EPB41L2: variants seen among roughly 807,000 people sequenced by gnomAD.
EPB41L2 encodes the protein erythrocyte membrane protein band 4.1 like 2, also known as band 4.1-like protein 2.
EPB41L2 carries 43 observed loss-of-function variants against 113.0 expected under a neutral mutation model. The observed-to-expected ratio is 0.38, with a 90% CI of 0.30 to 0.49. The LOEUF is 0.49. Among genes scored for constraint, EPB41L2 ranks in the 20% least tolerant of loss-of-function variants. The probability of loss-of-function intolerance (pLI) is 0.95; values close to 1 mark genes in which losing one functional copy is unlikely to be tolerated. For synonymous variants in EPB41L2, 442 were observed against 436.7 expected, an observed-to-expected ratio of 1.01 and a Z score of -0.15; for missense variants, 1,147 against 1,223.4, an observed-to-expected ratio of 0.94 and a Z score of 0.93.
chr6:131,006,099 C>T (rs1238839861), intron 1 of EPB41L2, among the ~76,000 whole-genome samples: 1 of 152,004 alleles, frequency 6.6e-6, no homozygotes, highest in Non-Finnish European at 1.5e-5. Context: ...CTCTGTCAAC[C>T]ACGCTGAAGT....
rs193080456 is a variant in EPB41L2, at chr6:131,018,878, C to T, written c.-15+44277G>A. ...TATATTAAGTTTCTAGGCTTGTATC[C>T]GTTCAAATCAGGTTTACTGGTGTAA... On this transcript the variant is annotated intron_variant, in intron 1 of 19. Transcript: ENST00000337057. Among the ~76,000 whole-genome samples, 9 of 152,272 alleles carry T rather than the reference C, an allele frequency of 5.9e-5. No individual in the cohort carries two copies. In the South Asian group the frequency reaches 1.7e-3, roughly 28 times the overall value.
chr6:130,891,594 G>A lies in EPB41L2; in HGVS notation c.1488-1128C>T, dbSNP rs76048247. Among the ~76,000 whole-genome samples the A allele has an allele frequency of 0.02, 3,020 of 152,076 alleles. 195 individuals are homozygous for A. The East Asian group carries it at 0.26, about 13-fold the overall frequency. On this transcript the variant is annotated intron_variant, in intron 10 of 19. Transcript: ENST00000337057. The stretch of plus-strand genomic sequence containing the variant: ...CTCCTGAGTAGCTGGGATTACAAAG[G>A]TACATGCCACCATGCCCAGCTAATT...
rs1033247738 is a variant in EPB41L2, at chr6:130,941,490, G to T, written c.705+13615C>A. On this transcript the variant is annotated intron_variant, in intron 3 of 19. Coordinates refer to ENST00000337057, the MANE Select transcript of EPB41L2 (RefSeq NM_001431.4). The stretch of plus-strand genomic sequence containing the variant: ...AAACTTATTTCAAAAACCATGAGCA[G>T]CAAACTTCTGTAGGCTAGCACATTC... 5.3e-5 allele frequency among the ~76,000 whole-genome samples: 8 copies of T among 152,296 alleles called. No homozygotes were observed. In the South Asian group the frequency reaches 1.5e-3, roughly 28 times the overall value.
In EPB41L2 at chr6:130,877,982, T is replaced by G. The variant is rs537729377; in HGVS notation, c.2043+122A>C. ...TAGTATTTACAAAATTGTTAGTAAT[T>G]ACATAAAAATAATTAAATGGGAACA... On this transcript the variant is annotated intron_variant, in intron 14 of 19. Coordinates refer to ENST00000337057, the MANE Select transcript of EPB41L2 (RefSeq NM_001431.4). 118 of 990,020 alleles carry G rather than the reference T, an allele frequency of 1.2e-4. No homozygotes were observed. The Middle Eastern group carries it at 3.5e-3, about 30-fold the overall frequency. 61.3% of individuals were successfully genotyped at this position (990,020 alleles called of 1,614,324 possible).
At chr6:130,882,843 T>C (rs564318025) in intron 12 of EPB41L2, 1 of 152,796 alleles carries the variant, frequency 6.5e-6, no homozygotes, top group African/African-American at 2.4e-5. Flanking sequence ...TTGGAGAAAC[T>C]GAAGGAGAAG....
intron 3 of EPB41L2, among the ~76,000 whole-genome samples, chr6:130,930,236 AT>A (rs1204856389): frequency 2.6e-5 from 4 of 152,128 alleles, no homozygotes; most frequent in Admixed American, 6.6e-5. Flanking sequence ...AGAGCCCACT[AT>A]TTTTTAATAC....
chr6:131,019,996 T>C (rs995706612), intron 1 of EPB41L2, among the ~76,000 whole-genome samples: 1 of 152,134 alleles, frequency 6.6e-6, no homozygotes, highest in Non-Finnish European at 1.5e-5. Flanking sequence ...CTAATAACCA[T>C]GGAAACATGG....
intron 1 of EPB41L2, among the ~76,000 whole-genome samples, chr6:131,061,089 T>C (rs998915040): frequency 2.0e-5 from 3 of 152,342 alleles, no homozygotes; most frequent in African/African-American, 7.2e-5. Context: ...TTGCAAAAAG[T>C]GCTCTCAACT....
At chr6:130,897,581 A>C (rs753384152) in intron 8 of EPB41L2, among the ~76,000 whole-genome samples, 4 of 152,248 alleles carry the variant, frequency 2.6e-5, no homozygotes, top group Non-Finnish European at 5.9e-5. Context: ...CAAAGTAGAG[A>C]TGCAAGATTT....
intron 3 of EPB41L2, among the ~76,000 whole-genome samples, chr6:130,936,207 C>T (rs3777458): frequency 0.32 from 47,941 of 152,022 alleles, 9,952 homozygotes; most frequent in African/African-American, 0.57. Flanking sequence ...TCTTCATTTG[C>T]TCTAAGTAAA....
At chr6:130,944,533 A>C (rs957190253) in intron 3 of EPB41L2, among the ~76,000 whole-genome samples, 2 of 152,238 alleles carry the variant, frequency 1.3e-5, no homozygotes, top group Non-Finnish European at 2.9e-5. Flanking sequence ...AGAGTCTTTC[A>C]CAAGGCAGTG....
chr6:131,051,045 T>C (rs1796414718), intron 1 of EPB41L2, among the ~76,000 whole-genome samples: 1 of 152,196 alleles, frequency 6.6e-6, no homozygotes, highest in Non-Finnish European at 1.5e-5. Context: ...AGTTCAAGTA[T>C]ATAATATTTC....
chr6:130,899,303 C>T (rs961551732), intron 8 of EPB41L2, among the ~76,000 whole-genome samples, 188 bp downstream of exon 8: 4 of 152,038 alleles, frequency 2.6e-5, no homozygotes, highest in Non-Finnish European at 4.4e-5. Flanking sequence ...GTGGTAGAGA[C>T]AGAATACATG....
chr6:130,929,810 G>A (rs2128558686), intron 3 of EPB41L2, among the ~76,000 whole-genome samples: 1 of 150,488 alleles, frequency 6.6e-6, no homozygotes, highest in African/African-American at 2.4e-5. Flanking sequence ...AGGAATAGCA[G>A]ATAGAATCAC....
chr6:130,964,413 A>C (rs1774458856), intron 1 of EPB41L2, among the ~76,000 whole-genome samples: 1 of 152,162 alleles, frequency 6.6e-6, no homozygotes, highest in South Asian at 2.1e-4. Context: ...AAACAGGATT[A>C]GAATTTCAGC....
chr6:130,903,940 T>C (rs1797005286), intron 6 of EPB41L2, among the ~76,000 whole-genome samples: 1 of 152,192 alleles, frequency 6.6e-6, no homozygotes, highest in Non-Finnish European at 1.5e-5. Context: ...TATGTTCTTA[T>C]AGCTCACACA....
At chr6:130,935,938 A>C (rs114086209) in intron 3 of EPB41L2, among the ~76,000 whole-genome samples, 2,211 of 152,242 alleles carry the variant, frequency 0.015, 52 homozygotes, top group African/African-American at 0.051. Context: ...GATGCAGAAA[A>C]CCTCAAAAAA....
chr6:130,883,495 G>C (rs1340739945), intron 12 of EPB41L2, among the ~76,000 whole-genome samples: 1 of 152,182 alleles, frequency 6.6e-6, no homozygotes, highest in Non-Finnish European at 1.5e-5. Flanking sequence ...GACATTCAAA[G>C]CATTAGCAAA....
At chr6:131,000,357 C>A (rs1784094076) in intron 1 of EPB41L2, among the ~76,000 whole-genome samples, 1 of 152,146 alleles carries the variant, frequency 6.6e-6, no homozygotes, top group Non-Finnish European at 1.5e-5. Flanking sequence ...GAAATCCGCT[C>A]TTATTGTTTT....
Sources: gnomAD v4.1 joint callset for allele counts (sites outside exome capture counted in the v4.1 genomes callset) on GRCh38, gnomAD v4.1.1 for gene constraint, MANE v1.5 for transcripts, NCBI Gene and HGNC (gene_info 2026-07-23, HGNC 2026-07-21) for gene names.